INSL6: variants seen among roughly 807,000 people sequenced by gnomAD.
INSL6 encodes the protein insulin-like peptide INSL6.
In INSL6, 16 loss-of-function variants were observed where a neutral mutation model predicts 9.4. The ratio of observed to expected loss-of-function variants is 1.70; its 90% CI spans 1.15 to 2.59. INSL6 has a LOEUF of 2.59. Ranked by LOEUF, INSL6 falls within the 30% of genes most tolerant of loss-of-function variation. The probability of loss-of-function intolerance (pLI) is 0.00; values close to 1 mark genes in which losing one functional copy is unlikely to be tolerated. For missense variants in INSL6, 391 were observed against 257.3 expected, an observed-to-expected ratio of 1.52 and a Z score of -3.56; for synonymous variants, 154 against 96.9, an observed-to-expected ratio of 1.59 and a Z score of -3.46.
the INSL6 span, chr9:5,110,802 C>T: frequency 2.4e-6 from 1 of 421,072 alleles, no homozygotes; most frequent in Non-Finnish European, 4.6e-6. Context: ...CGCGCGACGC[C>T]TGGGGGCCCT....
chr9:5,128,176 T>C (rs1333595169), intron 3 of INSL6: 1 of 232,148 alleles, frequency 4.3e-6, no homozygotes, highest in Non-Finnish European at 8.5e-6. Flanking sequence ...AAATAGTTTC[T>C]TACTTTATTT....
At chr9:5,120,486 G>A (rs1468361879), downstream of INSL6, among the ~76,000 whole-genome samples, 4 of 152,042 alleles carry the variant, frequency 2.6e-5, no homozygotes, top group South Asian at 2.1e-4. Flanking sequence ...TTTCTTGTTC[G>A]AAAAGGCTCT....
chr9:5,139,669 T>C (rs1395280227), intron 2 of INSL6, among the ~76,000 whole-genome samples: 1 of 152,196 alleles, frequency 6.6e-6, no homozygotes. Flanking sequence ...AAACCATTTA[T>C]GAGCTATCTG....
chr9:5,002,778 A>G, the INSL6 span, among the ~76,000 whole-genome samples: 1 of 151,958 alleles, frequency 6.6e-6, no homozygotes, highest in South Asian at 2.1e-4. Context: ...GCTTCATGTA[A>G]TTGGAAACTA....
intron 3 of INSL6, chr9:5,126,243 T>G (rs1823986250): frequency 1.1e-5 from 9 of 837,168 alleles, no homozygotes; most frequent in Non-Finnish European, 1.7e-5. Context: ...ACACATATAC[T>G]AAATTTTTTC....
At chr9:5,014,183 T>C in the INSL6 span, among the ~76,000 whole-genome samples, 5 of 149,820 alleles carry the variant, frequency 3.3e-5, no homozygotes, top group African/African-American at 9.8e-5. Context: ...TTTTTTTTTT[T>C]CGTAGAGACA....
intron 2 of INSL6, among the ~76,000 whole-genome samples, chr9:5,135,199 C>T (rs1460408316): frequency 1.3e-5 from 2 of 152,180 alleles, no homozygotes; most frequent in South Asian, 2.1e-4. Context: ...TTCTTAGAGA[C>T]GTACAAAGAG....
At chr9:5,149,262 C>A (rs564090453) in intron 2 of INSL6, among the ~76,000 whole-genome samples, 88 of 152,316 alleles carry the variant, frequency 5.8e-4, no homozygotes, top group African/African-American at 1.9e-3. Context: ...GGATTCCCAG[C>A]TCCCTCCCTT....
the INSL6 span, among the ~76,000 whole-genome samples, chr9:4,996,833 G>A: frequency 6.6e-6 from 1 of 151,868 alleles, no homozygotes; most frequent in Non-Finnish European, 1.5e-5. Context: ...TTGATTCACA[G>A]TGCCTCTGGT....
chr9:5,097,643 G>A, the INSL6 span: 2 of 152,270 alleles, frequency 1.3e-5, no homozygotes, highest in South Asian at 2.1e-4. Flanking sequence ...GCTACACTGC[G>A]TGGTGGTAAC....
At chr9:5,029,982 C>A in the INSL6 span, 1 of 1,336,516 alleles carries the variant, frequency 7.5e-7, no homozygotes. Flanking sequence ...TTTTTAATTG[C>A]AAGGTACTTA....
rs144842376 is a variant in INSL6, at chr9:5,151,779, T to G, written c.376+12400A>C. Among the ~76,000 whole-genome samples the G allele has an allele frequency of 4.1e-3, 627 of 152,246 alleles. 3 individuals are homozygous for G. Among genetic ancestry groups the G allele is most frequent in the African/African-American group, 0.015 (603 of 41,556 alleles). ...ACATAAAAAAGCAAGATTGTATATT[T>G]AAACACAAATCATATTGATAATTAC... On this transcript the variant is annotated intron_variant, in intron 2 of 3. Transcript: ENST00000649639.
At chr9:5,034,676 T>A in the INSL6 span, among the ~76,000 whole-genome samples, 2 of 152,082 alleles carry the variant, frequency 1.3e-5, no homozygotes, top group South Asian at 2.1e-4. Context: ...AATAAAGATG[T>A]TCTTTGAAAC....
At chr9:5,185,148 A>C (rs1189821758) in intron 1 of INSL6, among the ~76,000 whole-genome samples, 166 bp downstream of exon 1, 1 of 152,118 alleles carries the variant, frequency 6.6e-6, no homozygotes, top group Non-Finnish European at 1.5e-5. Context: ...AAAGCGCTTC[A>C]TTGAAGTTTT....
chr9:5,066,601 G>C, the INSL6 span: 1 of 804,188 alleles, frequency 1.2e-6, no homozygotes, highest in East Asian at 2.6e-5. Flanking sequence ...TTTGACTTTT[G>C]ATTGTTTTAG....
intron 2 of INSL6, among the ~76,000 whole-genome samples, chr9:5,152,544 A>G (rs920433202): frequency 1.3e-5 from 2 of 152,224 alleles, no homozygotes; most frequent in Admixed American, 6.5e-5. Context: ...CTGTGAGTAC[A>G]GTGAAATTTA....
At chr9:5,112,375 C>T in the INSL6 span, 3 of 413,324 alleles carry the variant, frequency 7.3e-6, no homozygotes, top group Non-Finnish European at 9.1e-6. Flanking sequence ...GGCGAGCAGG[C>T]CACTGGGGAA....
chr9:5,167,067 T>C (rs189746823), intron 1 of INSL6, among the ~76,000 whole-genome samples: 56 of 151,714 alleles, frequency 3.7e-4, no homozygotes, highest in African/African-American at 9.9e-4. Context: ...TGTTCTCTCA[T>C]TGGGACTGAC....
chr9:5,041,895 T>A, the INSL6 span: 1 of 415,948 alleles, frequency 2.4e-6, no homozygotes, highest in Non-Finnish European at 4.6e-6. Flanking sequence ...TCAGGGCGCC[T>A]GCAGAGATGG....
Sources: gnomAD v4.1 joint callset for allele counts (sites outside exome capture counted in the v4.1 genomes callset) on GRCh38, gnomAD v4.1.1 for gene constraint, MANE v1.5 for transcripts, NCBI Gene and HGNC (gene_info 2026-07-23, HGNC 2026-07-21) for gene names.